SRPX: variants seen among roughly 807,000 people sequenced by gnomAD.
SRPX encodes the protein sushi repeat-containing protein SRPX.
SRPX carries 24 observed loss-of-function variants against 38.1 expected under a neutral mutation model. The ratio of observed to expected loss-of-function variants is 0.63; its 90% CI spans 0.46 to 0.89. SRPX has a LOEUF of 0.89. SRPX is among the 40% of genes least tolerant of loss of function. The probability of loss-of-function intolerance (pLI) is 0.00; values close to 1 mark genes in which losing one functional copy is unlikely to be tolerated. For missense variants in SRPX, 416 were observed against 377.8 expected (o/e 1.10, Z -0.84); for synonymous variants, 184 against 153.8 (o/e 1.20, Z -1.45).
chrX:38,203,481 A>T (rs1939152040), intron 1 of SRPX, among the ~76,000 whole-genome samples: 1 of 112,955 alleles, frequency 8.9e-6, no homozygotes, highest in Non-Finnish European at 1.9e-5. Context: ...GGAAAGGAAG[A>T]AATAAACCTG....
chrX:38,197,427 CT>C (rs923251064), intron 1 of SRPX, among the ~76,000 whole-genome samples: 4 of 111,005 alleles, frequency 3.6e-5, no homozygotes, highest in African/African-American at 6.5e-5. Context: ...TGGGCCAATT[CT>C]TTTTTTTTCC....
At chrX:38,151,206 T>A (rs982886543) in intron 9 of SRPX, among the ~76,000 whole-genome samples, 2 of 112,239 alleles carry the variant, frequency 1.8e-5, no homozygotes, top group African/African-American at 3.2e-5. Context: ...GACATGACAA[T>A]ACCTCTGCCA....
intron 1 of SRPX, among the ~76,000 whole-genome samples, chrX:38,189,712 C>T (rs190845601): frequency 8.9e-6 from 1 of 111,908 alleles, no homozygotes; most frequent in East Asian, 2.8e-4. Flanking sequence ...ATTCCATTCA[C>T]ATTGATGCAC....
At chrX:38,217,587 C>T (rs935569710) in intron 1 of SRPX, among the ~76,000 whole-genome samples, 5 of 111,778 alleles carry the variant, frequency 4.5e-5, no homozygotes, top group African/African-American at 1.6e-4. Flanking sequence ...GAACAGGGAC[C>T]TGCTGCCCTA....
chrX:38,152,777 C>T (rs1050524185), intron 9 of SRPX, among the ~76,000 whole-genome samples: 20 of 112,185 alleles, frequency 1.8e-4, no homozygotes, highest in African/African-American at 6.2e-4. Flanking sequence ...CATACACACA[C>T]ATTCAATCCA....
intron 1 of SRPX, among the ~76,000 whole-genome samples, chrX:38,187,372 CAT>C (rs1228588593): frequency 8.9e-6 from 1 of 111,838 alleles, no homozygotes; most frequent in Non-Finnish European, 1.9e-5. Context: ...CTTTCATAAA[CAT>C]ATGTATATGT....
At chrX:38,220,595 G>A (rs1939498514) in intron 1 of SRPX, 101 bp downstream of exon 1, 1 of 1,080,009 alleles carries the variant, frequency 9.3e-7, no homozygotes, top group African/African-American at 1.9e-5. Flanking sequence ...CAAACAAAGG[G>A]CGCCCCCGGC....
intron 7 of SRPX, 146 bp from the exon 8 acceptor site, chrX:38,157,175 C>T: frequency 3.1e-6 from 2 of 637,976 alleles, no homozygotes; most frequent in Non-Finnish European, 2.3e-6. Context: ...GGAGGCAGTC[C>T]CAAGAAGCGC....
chrX:38,196,525 G>T (rs1216413180), intron 1 of SRPX, among the ~76,000 whole-genome samples: 1 of 112,381 alleles, frequency 8.9e-6, no homozygotes, highest in Non-Finnish European at 1.9e-5. Context: ...CTCCTCTCAG[G>T]AGATATGCTA....
intron 5 of SRPX, among the ~76,000 whole-genome samples, chrX:38,161,294 G>A (rs181172573): frequency 9.0e-6 from 1 of 111,146 alleles, no homozygotes; most frequent in Admixed American, 9.5e-5. Flanking sequence ...TTTTCTTGCT[G>A]AAGGGTAGAA....
intron 1 of SRPX, among the ~76,000 whole-genome samples, chrX:38,185,740 G>T (rs757576919): frequency 9.0e-6 from 1 of 110,875 alleles, no homozygotes; most frequent in East Asian, 2.8e-4. Context: ...ATTCTTAAAA[G>T]AGTTATATAT....
chrX:38,194,773 G>C (rs1196157812), intron 1 of SRPX, among the ~76,000 whole-genome samples: 1 of 108,158 alleles, frequency 9.2e-6, no homozygotes, highest in Non-Finnish European at 1.9e-5. Context: ...AAGCAAGCAA[G>C]TTATAGAAGA....
chrX:38,167,400 G>T, intron 4 of SRPX, among the ~76,000 whole-genome samples: 1 of 111,200 alleles, frequency 9.0e-6, no homozygotes, highest in African/African-American at 3.3e-5. Context: ...ACATCCTCAA[G>T]CAGCTGCCTT....
chrX:38,158,400 C>T (rs1938172712), intron 7 of SRPX, among the ~76,000 whole-genome samples: 1 of 111,966 alleles, frequency 8.9e-6, no homozygotes, highest in South Asian at 3.8e-4. Context: ...CTAGTAGATG[C>T]CATGTATGAT....
At chrX:38,186,023 C>T (rs1401687633) in intron 1 of SRPX, among the ~76,000 whole-genome samples, 1 of 111,012 alleles carries the variant, frequency 9.0e-6, no homozygotes, top group Non-Finnish European at 1.9e-5. Flanking sequence ...CATTCATAAC[C>T]TTTTGTAACT....
intron 3 of SRPX, among the ~76,000 whole-genome samples, chrX:38,172,745 C>G (rs1938498439): frequency 8.8e-6 from 1 of 113,048 alleles, no homozygotes; most frequent in African/African-American, 3.2e-5. Flanking sequence ...CATAGGGAAG[C>G]TCTGGAGTGT....
chrX:38,154,544 C>A lies in SRPX; in HGVS notation c.1129G>T (p.Val377Leu). 7 of 1,208,403 alleles carry A rather than the reference C, an allele frequency of 5.8e-6. No individual in the cohort carries two copies. Among genetic ancestry groups the A allele is most frequent in the Non-Finnish European group, 7.8e-6 (7 of 893,924 alleles). Residue 377 changes from valine (V) to leucine (L), a missense_variant, in exon 9 of 10, where the codon GTG becomes TTG. Transcript: ENST00000378533. ...CGLDLRHITV[V>L]ELVGVFPTLI... The stretch of plus-strand genomic sequence containing the variant: ...GTCGGGAACACACCCACCAGCTCCA[C>A]CACGGTGATGTGTCGAAGATCAAGG...
chrX:38,152,379 C>G (rs1938033486), intron 9 of SRPX, among the ~76,000 whole-genome samples: 1 of 112,111 alleles, frequency 8.9e-6, no homozygotes, highest in African/African-American at 3.2e-5. Context: ...GGCTGCTGGG[C>G]AAAAATTCTA....
chrX:38,162,155 G>T, intron 5 of SRPX, among the ~76,000 whole-genome samples: 1 of 112,529 alleles, frequency 8.9e-6, no homozygotes, highest in East Asian at 2.8e-4. Context: ...ATAAGTGGAT[G>T]TAACCTTTCT....
Sources: gnomAD v4.1 joint callset for allele counts (sites outside exome capture counted in the v4.1 genomes callset) on GRCh38, gnomAD v4.1.1 for gene constraint, MANE v1.5 for transcripts, NCBI Gene and HGNC (gene_info 2026-07-23, HGNC 2026-07-21) for gene names.